The following MTCL2 variants were observed in gnomAD, a reference collection of about 807,000 sequenced individuals.
MTCL2 encodes microtubule cross-linking factor 2.
the MTCL2 span, chr20:36,803,118 A>G: frequency 6.3e-7 from 1 of 1,584,602 alleles, no homozygotes. Flanking sequence ...CTGCGGAAAG[A>G]AGCAGACTAA....
the MTCL2 span, among the ~76,000 whole-genome samples, chr20:36,861,721 G>T: frequency 2.6e-4 from 40 of 152,322 alleles, no homozygotes; most frequent in Admixed American, 7.8e-4. Flanking sequence ...GAAGCTTCCA[G>T]CCTCCCAGGG....
At chr20:36,836,246 C>T in the MTCL2 span, among the ~76,000 whole-genome samples, 1 of 151,876 alleles carries the variant, frequency 6.6e-6, no homozygotes, top group Non-Finnish European at 1.5e-5. Context: ...GCAATCATAG[C>T]TCACTGAAAC....
chr20:36,795,495 G>T, the MTCL2 span, among the ~76,000 whole-genome samples: 1 of 151,960 alleles, frequency 6.6e-6, no homozygotes, highest in Non-Finnish European at 1.5e-5. Context: ...ATCATACTTG[G>T]CTGTCCTACA....
At chr20:36,821,497 T>C in the MTCL2 span, among the ~76,000 whole-genome samples, 1 of 152,104 alleles carries the variant, frequency 6.6e-6, no homozygotes. Context: ...CACTGCACTG[T>C]AGCCTGGGCA....
chr20:36,786,940 GTA>G, the MTCL2 span, among the ~76,000 whole-genome samples: 2 of 152,122 alleles, frequency 1.3e-5, no homozygotes, highest in Non-Finnish European at 2.9e-5. Context: ...TTTTGCAACT[GTA>G]AAACACGAAC....
chr20:36,815,555 C>T, the MTCL2 span: 5 of 1,572,106 alleles, frequency 3.2e-6, no homozygotes, highest in Non-Finnish European at 4.3e-6. The surrounding 1 kb of genome is among the most constrained non-coding windows in gnomAD (Gnocchi z 5.3). Flanking sequence ...GGGGAGCAGG[C>T]ACACACTGGG....
At chr20:36,804,650 G>A in the MTCL2 span, 3 of 1,536,700 alleles carry the variant, frequency 2.0e-6, no homozygotes, top group African/African-American at 1.4e-5. Flanking sequence ...CTAGGAGCAT[G>A]GCCTTGGTAT....
At chr20:36,784,300 C>T in the MTCL2 span, 1 of 985,912 alleles carries the variant, frequency 1.0e-6, no homozygotes, top group Admixed American at 6.1e-5. Context: ...TCTGCCCACA[C>T]CAGTCACTGG....
chr20:36,814,235 G>A, the MTCL2 span, among the ~76,000 whole-genome samples: 3 of 152,106 alleles, frequency 2.0e-5, no homozygotes, highest in Non-Finnish European at 2.9e-5. Flanking sequence ...TCAGCAGTGA[G>A]CACAAAAACT....
chr20:36,841,155 CA>C, the MTCL2 span, among the ~76,000 whole-genome samples: 294 of 40,328 alleles, frequency 7.3e-3, no homozygotes, highest in East Asian at 0.034. Flanking sequence ...ACTAAAAATA[CA>C]AAAAAAAAAA....
the MTCL2 span, among the ~76,000 whole-genome samples, chr20:36,844,713 G>A: frequency 4.1e-5 from 6 of 147,268 alleles, no homozygotes; most frequent in Non-Finnish European, 9.0e-5. Context: ...TGATCATAGA[G>A]ACAGTTTTGA....
At chr20:36,794,253 C>G in the MTCL2 span, 13 of 1,550,180 alleles carry the variant, frequency 8.4e-6, no homozygotes, top group Admixed American at 2.0e-5. The surrounding 1 kb of genome is among the most constrained non-coding windows in gnomAD (Gnocchi z 5.4). Context: ...AAGCCGGGCT[C>G]GATAATGATC....
the MTCL2 span, chr20:36,794,233 G>A: frequency 6.5e-7 from 1 of 1,549,444 alleles, no homozygotes; most frequent in Non-Finnish European, 8.7e-7. The surrounding 1 kb of genome is among the most constrained non-coding windows in gnomAD (Gnocchi z 5.4). Flanking sequence ...GCTTGGCTGT[G>A]GTGAAGAGGA....
chr20:36,799,801 A>C, the MTCL2 span, among the ~76,000 whole-genome samples: 2 of 152,254 alleles, frequency 1.3e-5, no homozygotes, highest in African/African-American at 4.8e-5. Context: ...CATAGAATCA[A>C]ACCAAGCCCC....
chr20:36,853,595 C>T, the MTCL2 span, among the ~76,000 whole-genome samples: 3 of 152,098 alleles, frequency 2.0e-5, no homozygotes, highest in African/African-American at 4.8e-5. Context: ...GACAAGCAAA[C>T]GGAGGCCCAG....
chr20:36,838,284 A>G, the MTCL2 span, among the ~76,000 whole-genome samples: 1 of 152,192 alleles, frequency 6.6e-6, no homozygotes, highest in African/African-American at 2.4e-5. Context: ...GGCCTTCACT[A>G]CTTTTCATTA....
At chr20:36,790,428 C>T in the MTCL2 span, among the ~76,000 whole-genome samples, 776 of 101,156 alleles carry the variant, frequency 7.7e-3, 6 homozygotes, top group African/African-American at 0.029. Context: ...ACGCCTGGCC[C>T]TTTTTTTTTT....
the MTCL2 span, chr20:36,802,876 G>C: frequency 5.1e-6 from 8 of 1,578,086 alleles, no homozygotes; most frequent in African/African-American, 6.7e-5. Context: ...CGGTTCTGCA[G>C]CTCCTTCACC....
At chr20:36,858,957 A>G in the MTCL2 span, among the ~76,000 whole-genome samples, 1 of 152,042 alleles carries the variant, frequency 6.6e-6, no homozygotes, top group Non-Finnish European at 1.5e-5. Context: ...CGCCTGGGTA[A>G]TTTTTGTATT....
Sources: gnomAD v4.1 joint callset for allele counts (sites outside exome capture counted in the v4.1 genomes callset) on GRCh38, gnomAD v4.1.1 for gene constraint, Gnocchi (gnomAD v3.1) non-coding constraint, MANE v1.5 for transcripts, NCBI Gene and HGNC (gene_info 2026-07-23, HGNC 2026-07-21) for gene names.